The following PTPRD variants were observed in gnomAD, a reference collection of about 807,000 sequenced individuals.
The protein encoded by PTPRD is receptor-type tyrosine-protein phosphatase delta.
PTPRD carries 34 observed loss-of-function variants against 214.5 expected under a neutral mutation model. The observed-to-expected ratio is 0.16, with a 90% CI of 0.12 to 0.21. The LOEUF (loss-of-function observed/expected upper bound fraction) is 0.21, where lower values mean the gene tolerates loss of function less well. PTPRD is among the 10% of genes least tolerant of loss of function. The pLI, the probability that PTPRD is intolerant of heterozygous loss-of-function variation, is 1.00. For missense variants in PTPRD, 2,545 were observed against 2,398.7 expected, an observed-to-expected ratio of 1.06 and a Z score of -1.27; for synonymous variants, 1,128 against 845.7, an observed-to-expected ratio of 1.33 and a Z score of -5.79.
At chr9:10,421,032 T>G (rs753333188) in intron 2 of PTPRD, among the ~76,000 whole-genome samples, 15 of 151,776 alleles carry the variant, frequency 9.9e-5, no homozygotes, top group Non-Finnish European at 2.2e-4. Context: ...TCTTGGGCCA[T>G]ACATAAAATA....
At chr9:10,040,814 T>C (rs759633834) in intron 3 of PTPRD, among the ~76,000 whole-genome samples, 1 of 152,080 alleles carries the variant, frequency 6.6e-6, no homozygotes, top group Non-Finnish European at 1.5e-5. Context: ...CTTTATCAAA[T>C]TGAAATGTGT....
At chr9:9,503,372 A>C (rs1033968156) in intron 8 of PTPRD, among the ~76,000 whole-genome samples, 1 of 151,658 alleles carries the variant, frequency 6.6e-6, no homozygotes, top group Non-Finnish European at 1.5e-5. Flanking sequence ...CTGATAACAA[A>C]GTGACTCACA....
intron 10 of PTPRD, among the ~76,000 whole-genome samples, chr9:9,089,042 C>A (rs78438468): frequency 2.0e-5 from 3 of 152,042 alleles, no homozygotes; most frequent in Non-Finnish European, 4.4e-5. Context: ...TTTTTACCCC[C>A]TAGTAAAAAG....
chr9:8,882,307 A>G (rs937012669), intron 11 of PTPRD, among the ~76,000 whole-genome samples: 25 of 152,160 alleles, frequency 1.6e-4, no homozygotes, highest in African/African-American at 5.5e-4. Context: ...AAGGATCTTA[A>G]AAATGGTCCA....
At chr9:9,485,399 A>T (rs571667779) in intron 8 of PTPRD, among the ~76,000 whole-genome samples, 3 of 152,210 alleles carry the variant, frequency 2.0e-5, no homozygotes, top group Non-Finnish European at 4.4e-5. Context: ...TGGTTAAATC[A>T]TTATGAATAT....
At chr9:10,503,217 A>AC (rs1555437495) in intron 2 of PTPRD, among the ~76,000 whole-genome samples, 7 of 148,826 alleles carry the variant, frequency 4.7e-5, no homozygotes, top group Non-Finnish European at 4.5e-5. Flanking sequence ...ACAAAAAAAA[A>AC]CACCATTTTT....
At chr9:10,394,075 TAG>T (rs911604652) in intron 2 of PTPRD, among the ~76,000 whole-genome samples, 2 of 143,498 alleles carry the variant, frequency 1.4e-5, no homozygotes, top group Non-Finnish European at 3.0e-5. Context: ...TATATATATA[TAG>T]AGAGAGAAAC....
At chr9:10,266,662 G>A (rs2094082184) in intron 3 of PTPRD, among the ~76,000 whole-genome samples, 1 of 151,982 alleles carries the variant, frequency 6.6e-6, no homozygotes, top group Non-Finnish European at 1.5e-5. Context: ...TACTTAGCAA[G>A]GACTACAATT....
rs1029282888 is a variant in PTPRD at position 8,492,989 on chromosome 9, C to A, written c.2350-10G>T. The A allele has an allele frequency of 4.4e-6, 7 of 1,598,702 alleles. No individual in the cohort carries two copies. The Admixed American group carries it at 1.2e-4, about 27-fold the overall frequency. ...CAGAAATGATCATGTCCTGAAATGA[C>A]AAAATAGAATGTCACTGATTCAAAA... On this transcript the variant is annotated splice_polypyrimidine_tract_variant and intron_variant, in intron 26 of 45. Coordinates refer to ENST00000381196, the MANE Select transcript of PTPRD (RefSeq NM_002839.4).
chr9:8,620,610 C>A (rs1007367088), intron 14 of PTPRD, among the ~76,000 whole-genome samples: 1 of 151,698 alleles, frequency 6.6e-6, no homozygotes, highest in Non-Finnish European at 1.5e-5. Flanking sequence ...CAGTTAATGG[C>A]GGGGGGCAGG....
intron 5 of PTPRD, among the ~76,000 whole-genome samples, chr9:9,891,769 A>G (rs1285311412): frequency 6.6e-6 from 1 of 152,120 alleles, no homozygotes; most frequent in Non-Finnish European, 1.5e-5. Context: ...TAGGCACATA[A>G]AACTTACTAA....
In PTPRD at chr9:9,460,430, C is replaced by G. The variant is rs542804230; in HGVS notation, c.-236-62948G>C. On this transcript the variant is annotated intron_variant, in intron 8 of 45. Transcript: ENST00000381196. Reference sequence around the variant, plus strand: ...ATGAGAGAAAACTTTTGCAAACTAACCATCCAAAAAAGAACTAACATCCAG... The same window carrying G: ...ATGAGAGAAAACTTTTGCAAACTAAGCATCCAAAAAAGAACTAACATCCAG... Among the ~76,000 whole-genome samples the G allele has an allele frequency of 3.3e-5, 5 of 152,002 alleles. No individual in the cohort carries two copies. In the South Asian group the frequency reaches 6.2e-4, roughly 19 times the overall value.
chr9:9,872,816 G>A (rs1299865881), intron 5 of PTPRD, among the ~76,000 whole-genome samples: 1 of 152,138 alleles, frequency 6.6e-6, no homozygotes, highest in African/African-American at 2.4e-5. Context: ...AAACCTTCAA[G>A]AGAAGATGGA....
At chr9:10,382,527 G>T (rs2097844771) in intron 2 of PTPRD, among the ~76,000 whole-genome samples, 1 of 151,826 alleles carries the variant, frequency 6.6e-6, no homozygotes, top group African/African-American at 2.4e-5. Flanking sequence ...CTGCTTTTAT[G>T]TTGTAGAATA....
chr9:9,273,277 C>A (rs973319403), intron 9 of PTPRD, among the ~76,000 whole-genome samples: 1 of 151,170 alleles, frequency 6.6e-6, no homozygotes, highest in Non-Finnish European at 1.5e-5. Flanking sequence ...TTATTTTGGC[C>A]TAACAGCACT....
chr9:9,265,010 A>G (rs1046020393), intron 9 of PTPRD, among the ~76,000 whole-genome samples: 2 of 151,742 alleles, frequency 1.3e-5, no homozygotes, highest in African/African-American at 4.8e-5. Flanking sequence ...GTTCATCGCA[A>G]CTAGACCTGG....
At chr9:8,917,253 C>T (rs565568185) in intron 11 of PTPRD, among the ~76,000 whole-genome samples, 7 of 150,800 alleles carry the variant, frequency 4.6e-5, no homozygotes, top group East Asian at 3.9e-4. Context: ...CTCAGCCTCC[C>T]GAGTAGCTGG....
intron 7 of PTPRD, among the ~76,000 whole-genome samples, chr9:9,602,004 T>G (rs2093807845): frequency 6.6e-6 from 1 of 152,096 alleles, no homozygotes; most frequent in Non-Finnish European, 1.5e-5. Flanking sequence ...TTGGCAGATT[T>G]GTGTGTATGC....
chr9:8,331,561 T>TACC, intron 44 of PTPRD, 21 bp downstream of exon 44: 2 of 897,046 alleles, frequency 2.2e-6, no homozygotes, highest in Non-Finnish European at 2.9e-6. Flanking sequence ...ATCACTGCTT[T>TACC]ATTCACAAAT....
Sources: gnomAD v4.1 joint callset for allele counts (sites outside exome capture counted in the v4.1 genomes callset) on GRCh38, gnomAD v4.1.1 for gene constraint, MANE v1.5 for transcripts, NCBI Gene and HGNC (gene_info 2026-07-23, HGNC 2026-07-21) for gene names.